The following GRM7 variants were observed in gnomAD, a reference collection of about 807,000 sequenced individuals.
GRM7 encodes the protein glutamate metabotropic receptor 7.
A neutral mutation model predicts 84.5 loss-of-function variants in GRM7; 35 were observed. The ratio of observed to expected loss-of-function variants is 0.41; its 90% confidence interval spans 0.32 to 0.55. GRM7 has a LOEUF of 0.55. GRM7 is among the 20% of genes least tolerant of loss of function. The pLI, the probability that GRM7 is intolerant of heterozygous loss-of-function variation, is 0.19. For synonymous variants in GRM7, 487 were observed against 455.1 expected (o/e 1.07, Z -0.89); for missense variants, 1,003 against 1,194.6 (o/e 0.84, Z 2.36).
chr3:6,991,595 A>C (rs1338525304), intron 1 of GRM7, among the ~76,000 whole-genome samples: 2 of 152,150 alleles, frequency 1.3e-5, no homozygotes, highest in Admixed American at 6.5e-5. Flanking sequence ...CATACCCCAC[A>C]AGCCAAGAGA....
At chr3:7,238,858 T>C (rs929941383) in intron 2 of GRM7, among the ~76,000 whole-genome samples, 9 of 149,816 alleles carry the variant, frequency 6.0e-5, no homozygotes, top group African/African-American at 2.2e-4. Flanking sequence ...TCCTTTCACT[T>C]GTTTTCTCTT....
At position 7,166,130 on chromosome 3, in the gene GRM7, A is replaced by G. The variant is rs756072558; in HGVS notation, c.736+19462A>G. On this transcript the variant is annotated intron_variant, in intron 2 of 9. Transcript: ENST00000357716. ...GGGACAGAGAGATATGTATAATTTT[A>G]TAACTAATAGTCTCTCCTCTTTGTA... Among the ~76,000 whole-genome samples, 6 of 152,206 alleles carry G rather than the reference A, an allele frequency of 3.9e-5. No homozygotes were observed. In the East Asian group the frequency reaches 1.2e-3, roughly 29 times the overall value.
intron 1 of GRM7, among the ~76,000 whole-genome samples, chr3:7,124,896 T>C (rs1463800567): frequency 6.6e-6 from 1 of 152,230 alleles, no homozygotes; most frequent in African/African-American, 2.4e-5. Flanking sequence ...TCATCTAATG[T>C]TGCCTTTTGC....
At chr3:6,935,396 T>C (rs913420766) in intron 1 of GRM7, among the ~76,000 whole-genome samples, 2 of 148,418 alleles carry the variant, frequency 1.3e-5, no homozygotes, top group Admixed American at 6.9e-5. Flanking sequence ...ATTTACATCA[T>C]AGAAATATGG....
rs1559411917 is a variant in GRM7 at position 7,572,864 on chromosome 3, AT to A, written c.1516-5557del. Among the ~76,000 whole-genome samples, 6 of 51,666 alleles carry A rather than the reference AT, an allele frequency of 1.2e-4. 1 individual carries two copies. Among genetic ancestry groups the A allele is most frequent in the African/African-American group, 2.5e-4 (4 of 15,704 alleles). 33.9% of individuals were successfully genotyped at this position (51,666 alleles called of 152,430 possible). On this transcript the variant is annotated intron_variant, in intron 7 of 9. Coordinates refer to ENST00000357716, the MANE Select transcript of GRM7 (RefSeq NM_000844.4). The stretch of plus-strand genomic sequence containing the variant: ...TATATATATATATATATATATATAT[AT>A]ATATATATATATATAAATAATCTTT...
At chr3:7,667,819 C>T (rs1226790521) in intron 8 of GRM7, among the ~76,000 whole-genome samples, 1 of 144,462 alleles carries the variant, frequency 6.9e-6, no homozygotes, top group African/African-American at 2.6e-5. Flanking sequence ...AAACAAAACA[C>T]ATATAGGGTC....
chr3:6,884,878 G>T (rs1043125101), intron 1 of GRM7, among the ~76,000 whole-genome samples: 1 of 152,038 alleles, frequency 6.6e-6, no homozygotes. Flanking sequence ...GATTACAGGC[G>T]TGAGCCACCG....
intron 4 of GRM7, among the ~76,000 whole-genome samples, chr3:7,412,152 C>G (rs1304660513): frequency 6.6e-6 from 1 of 152,046 alleles, no homozygotes; most frequent in Non-Finnish European, 1.5e-5. Flanking sequence ...CTTTATTTTT[C>G]TGAATCATTG....
At chr3:7,443,149 G>A (rs368412713) in intron 5 of GRM7, among the ~76,000 whole-genome samples, 1 of 152,086 alleles carries the variant, frequency 6.6e-6, no homozygotes, top group Non-Finnish European at 1.5e-5. Flanking sequence ...AAAGCAGAAA[G>A]AGTAGTGTAA....
intron 8 of GRM7, among the ~76,000 whole-genome samples, chr3:7,610,076 TG>T (rs1696778577): frequency 6.6e-6 from 1 of 152,112 alleles, no homozygotes; most frequent in South Asian, 2.1e-4. Flanking sequence ...GAAAGAGGGG[TG>T]GTCATTCAAC....
chr3:7,244,197 A>C (rs1420109668), intron 2 of GRM7, among the ~76,000 whole-genome samples: 2 of 152,014 alleles, frequency 1.3e-5, no homozygotes, highest in African/African-American at 4.8e-5. Context: ...TAAACTTTTA[A>C]CTCTTTTAAC....
chr3:7,296,726 A>C (rs930533178), intron 2 of GRM7, among the ~76,000 whole-genome samples: 1 of 151,674 alleles, frequency 6.6e-6, no homozygotes, highest in Admixed American at 6.6e-5. Flanking sequence ...CCCTTCTTTC[A>C]TTCCTAAATA....
At chr3:7,039,665 G>A (rs937811405) in intron 1 of GRM7, among the ~76,000 whole-genome samples, 3 of 152,010 alleles carry the variant, frequency 2.0e-5, no homozygotes, top group African/African-American at 7.2e-5. Flanking sequence ...AAGCTAAAAT[G>A]CAGTTCAGGG....
chr3:7,714,527 C>T (rs1284998644), intron 9 of GRM7, among the ~76,000 whole-genome samples: 1 of 152,198 alleles, frequency 6.6e-6, no homozygotes, highest in Non-Finnish European at 1.5e-5. Flanking sequence ...GTTAGAAATG[C>T]ATTCACTTAG....
intron 7 of GRM7, among the ~76,000 whole-genome samples, chr3:7,505,149 C>T (rs984985034): frequency 2.0e-5 from 3 of 152,194 alleles, no homozygotes; most frequent in Non-Finnish European, 2.9e-5. Flanking sequence ...CAATATTATT[C>T]ATTGAAGCTT....
At chr3:7,147,476 C>T (rs904318629) in intron 2 of GRM7, among the ~76,000 whole-genome samples, 36 of 152,194 alleles carry the variant, frequency 2.4e-4, no homozygotes, top group African/African-American at 8.2e-4. Context: ...GTAAGCATTT[C>T]ATGCAATTTA....
At chr3:7,620,091 G>A (rs894585899) in intron 8 of GRM7, among the ~76,000 whole-genome samples, 2 of 151,990 alleles carry the variant, frequency 1.3e-5, no homozygotes, top group African/African-American at 2.4e-5. Context: ...TTCACCAATC[G>A]TATGAATAAT....
chr3:7,562,417 A>G (rs1028181609), intron 7 of GRM7, among the ~76,000 whole-genome samples: 18 of 152,000 alleles, frequency 1.2e-4, no homozygotes, highest in African/African-American at 4.3e-4. Context: ...ACTCTCAAAT[A>G]TAGAGTCATA....
chr3:7,255,232 C>T (rs1297386838), intron 2 of GRM7, among the ~76,000 whole-genome samples: 3 of 152,192 alleles, frequency 2.0e-5, no homozygotes, highest in Non-Finnish European at 4.4e-5. Context: ...GAATAATGGT[C>T]AAATCCTTTT....
Sources: gnomAD v4.1 joint callset for allele counts (sites outside exome capture counted in the v4.1 genomes callset) on GRCh38, gnomAD v4.1.1 for gene constraint, MANE v1.5 for transcripts, NCBI Gene and HGNC (gene_info 2026-07-23, HGNC 2026-07-21) for gene names.